Variants in PREP observed in about 807,000 individuals in gnomAD.
PREP encodes prolyl endopeptidase, also known as dJ355L5.1 (prolyl endopeptidase).
In PREP, 29 loss-of-function variants were observed where a neutral mutation model predicts 87.6. The ratio of observed to expected loss-of-function variants is 0.33; its 90% CI spans 0.25 to 0.45. The LOEUF (loss-of-function observed/expected upper bound fraction) is 0.45, where lower values mean the gene tolerates loss of function less well. Ranked by LOEUF, PREP falls within the 20% of genes least tolerant of loss-of-function variation. The pLI, the probability that PREP is intolerant of heterozygous loss-of-function variation, is 1.00. For synonymous variants in PREP, 337 were observed against 328.6 expected, an observed-to-expected ratio of 1.03 and a Z score of -0.28; for missense variants, 695 against 886.5, an observed-to-expected ratio of 0.78 and a Z score of 2.74.
At chr6:105,339,225 C>A (rs760705611) in intron 7 of PREP, among the ~76,000 whole-genome samples, 2 of 152,144 alleles carry the variant, frequency 1.3e-5, no homozygotes, top group Non-Finnish European at 2.9e-5. Flanking sequence ...CGCCATTCTG[C>A]AATATTTGCT....
At chr6:105,323,539 T>C (rs1771071988) in intron 10 of PREP, 126 bp downstream of exon 10, 1 of 853,874 alleles carries the variant, frequency 1.2e-6, no homozygotes. Context: ...CCGTCAACCG[T>C]GGGGGCTACA....
At chr6:105,363,267 T>C (rs1396844411) in intron 6 of PREP, among the ~76,000 whole-genome samples, 1 of 152,210 alleles carries the variant, frequency 6.6e-6, no homozygotes, top group Non-Finnish European at 1.5e-5. Context: ...AAAGGGATGA[T>C]GCATTTTCAC....
At chr6:105,322,740 A>C (rs1583054749) in intron 10 of PREP, 1 of 1,020,660 alleles carries the variant, frequency 9.8e-7, no homozygotes, top group Non-Finnish European at 1.2e-6. Context: ...GGGCTGATAA[A>C]TCATAGCTCT....
rs551183996 is a variant in PREP at position 105,302,178 on chromosome 6, G to A, written c.1318-13284C>T. 1.3e-3 allele frequency among the ~76,000 whole-genome samples: 203 copies of A among 152,304 alleles called. 1 individual carries two copies. Among genetic ancestry groups the A allele is most frequent in the African/African-American group, 4.7e-3 (197 of 41,558 alleles). On this transcript the variant is annotated intron_variant, in intron 10 of 14. Coordinates refer to ENST00000652536, the MANE Select transcript of PREP (RefSeq NM_002726.5). Reference sequence around the variant, plus strand: ...AAAGTGAAGGAACCCTGCTACACGCGGAGGCCCAGAGAAAGCAGCGTCTGT... The same window carrying A: ...AAAGTGAAGGAACCCTGCTACACGCAGAGGCCCAGAGAAAGCAGCGTCTGT...
chr6:105,340,700 T>A (rs1771622423), intron 7 of PREP, among the ~76,000 whole-genome samples: 1 of 152,144 alleles, frequency 6.6e-6, no homozygotes, highest in South Asian at 2.1e-4. Context: ...GAGGAAGATC[T>A]ACCAAGCAAA....
chr6:105,274,859 T>C lies in PREP; in HGVS notation c.*3285A>G, dbSNP rs1411319072. Reference sequence around the variant, plus strand: ...CTGGGGAACTTGGACCTTTGCCAAATGGGGAAAAGGTATTATGTGCTTCCT... The same window carrying C: ...CTGGGGAACTTGGACCTTTGCCAAACGGGGAAAAGGTATTATGTGCTTCCT... On this transcript the variant is annotated 3_prime_UTR_variant, in exon 15 of 15. Coordinates refer to ENST00000652536, the MANE Select transcript of PREP (RefSeq NM_002726.5). 6.6e-6 allele frequency among the ~76,000 whole-genome samples: 1 copy of C among 152,092 alleles called. No individual in the cohort carries two copies. Among genetic ancestry groups the C allele is most frequent in the Non-Finnish European group, 1.5e-5 (1 of 68,006 alleles).
At chr6:105,315,592 A>G (rs527421785) in intron 10 of PREP, among the ~76,000 whole-genome samples, 9 of 152,290 alleles carry the variant, frequency 5.9e-5, no homozygotes, top group Non-Finnish European at 1.2e-4. Context: ...GGAACTTTGG[A>G]ACTTTGAAAC....
chr6:105,351,221 T>G (rs1338621309), intron 7 of PREP, among the ~76,000 whole-genome samples: 1 of 152,210 alleles, frequency 6.6e-6, no homozygotes, highest in Non-Finnish European at 1.5e-5. Flanking sequence ...TTATCCTGGA[T>G]AATTTGAGTG....
chr6:105,391,032 T>TACAC (rs1167512274), intron 2 of PREP, among the ~76,000 whole-genome samples: 1 of 117,436 alleles, frequency 8.5e-6, no homozygotes, highest in African/African-American at 5.2e-5. Context: ...TCTCTGGTTT[T>TACAC]ATACACACAC....
intron 6 of PREP, among the ~76,000 whole-genome samples, chr6:105,367,359 T>C (rs982662191): frequency 9.9e-5 from 15 of 151,636 alleles, no homozygotes; most frequent in African/African-American, 2.7e-4. Context: ...AAAACAACAA[T>C]AGCAATTGCA....
rs543319909 is a variant in PREP at position 105,371,925 on chromosome 6, G to A, written c.595+1444C>T. 2.6e-5 allele frequency among the ~76,000 whole-genome samples: 4 copies of A among 152,216 alleles called. No individual in the cohort carries two copies. The South Asian group carries it at 6.2e-4, about 24-fold the overall frequency. On this transcript the variant is annotated intron_variant, in intron 5 of 14. Coordinates refer to ENST00000652536, the MANE Select transcript of PREP (RefSeq NM_002726.5). ...TTAATGTAATAACGTTCTCTAACAT[G>A]AATTGGCCAGTTATACTTTTTTTGT...
chr6:105,293,678 G>A lies in PREP; in HGVS notation c.1318-4784C>T, dbSNP rs186847926. On this transcript the variant is annotated intron_variant, in intron 10 of 14. Coordinates refer to ENST00000652536, the MANE Select transcript of PREP (RefSeq NM_002726.5). Reference sequence around the variant, plus strand: ...ATGCCTGTACATACAATATACATACGTATAAATATTTTATCAAATTCCTCT... The same window carrying A: ...ATGCCTGTACATACAATATACATACATATAAATATTTTATCAAATTCCTCT... Among the ~76,000 whole-genome samples the A allele has an allele frequency of 9.5e-4, 144 of 151,432 alleles. 2 individuals are homozygous for A. Among genetic ancestry groups the A allele is most frequent in the East Asian group, 7.4e-3 (38 of 5,154 alleles).
chr6:105,280,952 A>G (rs1249500240), intron 14 of PREP: 1 of 152,234 alleles, frequency 6.6e-6, no homozygotes, highest in African/African-American at 2.4e-5. Flanking sequence ...TATATTTGAT[A>G]TAAAGTATAA....
At chr6:105,380,224 G>C (rs1489545979) in intron 2 of PREP, among the ~76,000 whole-genome samples, 1 of 152,148 alleles carries the variant, frequency 6.6e-6, no homozygotes, top group Non-Finnish European at 1.5e-5. Context: ...ACCATGCAAG[G>C]TGGGGCAGAA....
chr6:105,326,822 G>A (rs1187446376), intron 9 of PREP, among the ~76,000 whole-genome samples: 1 of 152,202 alleles, frequency 6.6e-6, no homozygotes, highest in East Asian at 1.9e-4. Flanking sequence ...ACTAGTAAAA[G>A]GAGACAGACA....
chr6:105,383,251 A>G (rs972605681), intron 2 of PREP, among the ~76,000 whole-genome samples: 1 of 129,206 alleles, frequency 7.7e-6, no homozygotes, highest in African/African-American at 4.0e-5. Flanking sequence ...AATCTCTACC[A>G]TTAAAAAAAA....
At chr6:105,351,127 T>G (rs1177324419) in intron 7 of PREP, among the ~76,000 whole-genome samples, 1 of 152,224 alleles carries the variant, frequency 6.6e-6, no homozygotes, top group Non-Finnish European at 1.5e-5. Flanking sequence ...CGTTAATCAA[T>G]CAAACACAAA....
intron 10 of PREP, among the ~76,000 whole-genome samples, chr6:105,290,938 T>C (rs1770285415): frequency 6.6e-6 from 1 of 152,194 alleles, no homozygotes. Context: ...GAAATAAACA[T>C]ACAGGCATAC....
At chr6:105,402,035 C>T (rs1773443215) in intron 1 of PREP, among the ~76,000 whole-genome samples, 1 of 152,126 alleles carries the variant, frequency 6.6e-6, no homozygotes, top group African/African-American at 2.4e-5. Flanking sequence ...AGGTGTCTGC[C>T]CAGAATTCCG....
Sources: gnomAD v4.1 joint callset for allele counts (sites outside exome capture counted in the v4.1 genomes callset) on GRCh38, gnomAD v4.1.1 for gene constraint, MANE v1.5 for transcripts, NCBI Gene and HGNC (gene_info 2026-07-23, HGNC 2026-07-21) for gene names.